Variants in ZMYND12 observed in about 807,000 individuals in gnomAD.
ZMYND12 encodes zinc finger MYND domain-containing protein 12.
ZMYND12 carries 32 observed loss-of-function variants against 41.7 expected under a neutral mutation model. The ratio of observed to expected loss-of-function variants is 0.77; its 90% CI spans 0.58 to 1.03. ZMYND12 has a LOEUF of 1.03. Ranked by LOEUF, ZMYND12 falls within the 50% of genes least tolerant of loss-of-function variation. The pLI is 0.00. For synonymous variants in ZMYND12, 148 were observed against 164.8 expected (o/e 0.90, Z 0.78); for missense variants, 424 against 438.5 (o/e 0.97, Z 0.30).
At chr1:42,431,202 T>C (rs1642845096) in intron 7 of ZMYND12, among the ~76,000 whole-genome samples, 1 of 152,206 alleles carries the variant, frequency 6.6e-6, no homozygotes, top group Admixed American at 6.5e-5. Flanking sequence ...ATTACCACTC[T>C]GGGGTGGTCC....
chr1:42,449,977 G>A lies in ZMYND12; in HGVS notation c.193C>T (p.Pro65Ser). The A allele has an allele frequency of 6.2e-7, 1 of 1,613,810 alleles. No individual in the cohort carries two copies. The highest frequency in any genetic ancestry group is 1.1e-5 in the South Asian group (1 of 91,088). Residue 65 changes from proline to serine, a missense_variant, in exon 2 of 8, where the codon CCC becomes TCC. Transcript: ENST00000372565. ...CGTTCTTCCTCTGAATTGTAGAAGG[G>A]CATGGAAGTGCGCAGTGGAATCAAG... ...QLLIPLRTSM[P>S]FYNSEEERQH...
chr1:42,440,530 G>GGAGGCACTAACAGGGGGTCCAATGCAAGA (rs1642957858), intron 3 of ZMYND12, among the ~76,000 whole-genome samples: 1 of 152,120 alleles, frequency 6.6e-6, no homozygotes, highest in African/African-American at 2.4e-5. Context: ...CCAATGCAAG[G>GGAGGCACTAACAGGGGGTCCAATGCAAGA]GAGGCACTAA....
intron 3 of ZMYND12, among the ~76,000 whole-genome samples, chr1:42,441,451 A>C (rs2148407007): frequency 6.6e-6 from 1 of 152,284 alleles, no homozygotes; most frequent in South Asian, 2.1e-4. Flanking sequence ...TTTGCATATA[A>C]CCTATGCACA....
At position 42,449,709 on chromosome 1, in the gene ZMYND12, T is replaced by C. The variant is rs1209752988; in HGVS notation, c.252+209A>G. ...GAGCCACCCAGTTTGTGATATTTGATTGTGACAGTGCTAGCAGACTAATAC... is the reference window on the plus strand; with the variant it reads ...GAGCCACCCAGTTTGTGATATTTGACTGTGACAGTGCTAGCAGACTAATAC... On this transcript the variant is annotated intron_variant, in intron 2 of 7. Coordinates refer to ENST00000372565, the MANE Select transcript of ZMYND12 (RefSeq NM_032257.5). Among the ~76,000 whole-genome samples, 3 of 152,206 alleles carry C rather than the reference T, an allele frequency of 2.0e-5. No individual in the cohort carries two copies. The South Asian group carries it at 6.2e-4, about 31-fold the overall frequency.
At chr1:42,441,507 A>G (rs1642968218) in intron 3 of ZMYND12, among the ~76,000 whole-genome samples, 1 of 152,254 alleles carries the variant, frequency 6.6e-6, no homozygotes, top group Non-Finnish European at 1.5e-5. Context: ...TATAATACCT[A>G]ATACAAAGTA....
Position 42,446,651 on chromosome 1 carries a change from C to CAA in ZMYND12, c.424+1814_424+1815dup, listed in dbSNP as rs11368621. 1.4e-3 allele frequency among the ~76,000 whole-genome samples: 182 copies of CAA among 126,054 alleles called. 1 individual carries two copies. The highest frequency in any genetic ancestry group is 3.6e-3 in the African/African-American group (121 of 33,208). The allele number at this position is 126,054 out of a possible 152,430, so 82.7% of individuals were successfully genotyped here. ...TGGGTGACAGAGTGAGACTCGGTCTCAAAAAAAAAAAAAAGATATATAGAT... is the reference window on the plus strand; with the variant it reads ...TGGGTGACAGAGTGAGACTCGGTCTCAAAAAAAAAAAAAAAAGATATATAGAT... On this transcript the variant is annotated intron_variant, in intron 3 of 7. Coordinates refer to ENST00000372565, the MANE Select transcript of ZMYND12 (RefSeq NM_032257.5).
chr1:42,443,162 C>T (rs567874750), intron 3 of ZMYND12, among the ~76,000 whole-genome samples: 49 of 152,286 alleles, frequency 3.2e-4, no homozygotes, highest in Admixed American at 1.2e-3. Context: ...AGCATCAGTC[C>T]TAAAGGAAAA....
intron 4 of ZMYND12, among the ~76,000 whole-genome samples, chr1:42,437,440 C>CTGTGTGTGTGTG (rs113850227): frequency 0.043 from 6,239 of 144,376 alleles, 169 homozygotes; most frequent in Non-Finnish European, 0.056. Flanking sequence ...CAATAAAGCT[C>CTGTGTGTGTGTG]TGTGTGTGTG....
In ZMYND12 at chr1:42,440,682, GTTT is replaced by G. The variant is rs377703500; in HGVS notation, c.425-660_425-658del. Among the ~76,000 whole-genome samples, 318 of 147,396 alleles carry G rather than the reference GTTT, an allele frequency of 2.2e-3. 1 individual carries two copies. The highest frequency in any genetic ancestry group is 6.4e-3 in the African/African-American group (252 of 39,594). On this transcript the variant is annotated intron_variant, in intron 3 of 7. Transcript: ENST00000372565. ...TTGTCCTTTTTTTGTTGTTGTTGTT[GTTT>G]TTTTGAGGGAGTCTCACTTTGTTGC... is the stretch of plus-strand genomic sequence containing the variant.
intron 3 of ZMYND12, among the ~76,000 whole-genome samples, chr1:42,443,717 G>C (rs934978910): frequency 3.9e-5 from 6 of 152,298 alleles, no homozygotes; most frequent in Middle Eastern, 6.8e-3. Context: ...CATCAGATGA[G>C]GAATTTGAAG....
In ZMYND12 at chr1:42,449,968, T is replaced by C. The variant is rs560141836; in HGVS notation, c.202A>G (p.Asn68Asp). ...CCATGCTGCCGTTCTTCCTCTGAAT[T>C]GTAGAAGGGCATGGAAGTGCGCAGT... ...IPLRTSMPFY[N>D]SEEERQHGLQ... The change falls in exon 2 of 8, where the codon AAT (asparagine) becomes GAT (aspartate). Residue 68 changes from asparagine (N) to aspartate (D), a missense_variant. Transcript: ENST00000372565. 8.1e-6 allele frequency: 13 copies of C among 1,613,802 alleles called. No individual in the cohort carries two copies. The African/African-American group carries it at 1.2e-4, about 15-fold the overall frequency.
chr1:42,440,268 C>G (rs1386856828), intron 3 of ZMYND12, among the ~76,000 whole-genome samples: 3 of 151,744 alleles, frequency 2.0e-5, no homozygotes, highest in Admixed American at 1.3e-4. Flanking sequence ...CCATCTCCAT[C>G]TCCATCTCCA....
chr1:42,437,440 CTGTGTGTGTGTGTGTG>C lies in ZMYND12; in HGVS notation c.595-913_595-898del, dbSNP rs113850227. Among the ~76,000 whole-genome samples, 28 of 144,506 alleles carry C rather than the reference CTGTGTGTGTGTGTGTG, an allele frequency of 1.9e-4. 1 individual carries two copies. In the East Asian group the frequency reaches 4.3e-3, roughly 22 times the overall value. The allele number at this position is 144,506 out of a possible 152,430, so 94.8% of individuals were successfully genotyped here. A position where few individuals can be genotyped will look rare whatever the true frequency, so the allele number is the denominator to read the frequency against. ...TTTTATGGTATATATCAATAAAGCT[CTGTGTGTGTGTGTGTG>C]TGTGTGTGTGTGTGTGTGTGTGTTT... On this transcript the variant is annotated intron_variant, in intron 4 of 7. Coordinates refer to ENST00000372565, the MANE Select transcript of ZMYND12 (RefSeq NM_032257.5).
intron 3 of ZMYND12, among the ~76,000 whole-genome samples, chr1:42,446,710 G>A (rs145714370): frequency 6.1e-4 from 92 of 151,670 alleles, no homozygotes; most frequent in Admixed American, 1.2e-3. Flanking sequence ...GTGTGTATAC[G>A]TACACCCATT....
rs1226130317 is a variant in ZMYND12 at position 42,444,189 on chromosome 1, T to C, written c.425-4164A>G. On this transcript the variant is annotated intron_variant, in intron 3 of 7. Coordinates refer to ENST00000372565, the MANE Select transcript of ZMYND12 (RefSeq NM_032257.5). ...GTTTAAGCAGACACCTGAAGGATGA[T>C]CAAAAGCCAGCCACGTATGAGAGAG... Among the ~76,000 whole-genome samples, 5 of 152,078 alleles carry C rather than the reference T, an allele frequency of 3.3e-5. No homozygotes were observed. In the South Asian group the frequency reaches 1.0e-3, roughly 32 times the overall value.
At chr1:42,434,513 G>A (rs1642886223) in intron 6 of ZMYND12, among the ~76,000 whole-genome samples, 1 of 152,130 alleles carries the variant, frequency 6.6e-6, no homozygotes, top group Non-Finnish European at 1.5e-5. Flanking sequence ...AGGGGTGGTA[G>A]GGGCGAGTAA....
At chr1:42,433,822 A>G (rs1642880106) in intron 6 of ZMYND12, among the ~76,000 whole-genome samples, 1 of 152,164 alleles carries the variant, frequency 6.6e-6, no homozygotes, top group South Asian at 2.1e-4. Flanking sequence ...TTTTGGTCCT[A>G]CTTTAGTCAT....
chr1:42,441,167 T>C (rs184037978), intron 3 of ZMYND12, among the ~76,000 whole-genome samples: 4 of 152,246 alleles, frequency 2.6e-5, no homozygotes, highest in African/African-American at 7.2e-5. Flanking sequence ...TGTCAGAGGA[T>C]AGGAAATGTT....
chr1:42,436,364 A>G, intron 5 of ZMYND12, 57 bp downstream of exon 5: 1 of 1,605,570 alleles, frequency 6.2e-7, no homozygotes, highest in Non-Finnish European at 8.5e-7. Context: ...GTCTAATACA[A>G]GTTGTAAGAC....
Sources: gnomAD v4.1 joint callset for allele counts (sites outside exome capture counted in the v4.1 genomes callset) on GRCh38, gnomAD v4.1.1 for gene constraint, MANE v1.5 for transcripts, NCBI Gene and HGNC (gene_info 2026-07-23, HGNC 2026-07-21) for gene names.